MGMT: variants seen among roughly 807,000 people sequenced by gnomAD.
MGMT encodes the protein methylated-DNA--protein-cysteine methyltransferase.
A neutral mutation model predicts 15.9 loss-of-function variants in MGMT; 14 were observed. The observed-to-expected ratio is 0.88, with a 90% confidence interval of 0.58 to 1.37. The LOEUF (loss-of-function observed/expected upper bound fraction) is 1.37. Among genes scored for constraint, MGMT ranks in the 40% most tolerant of loss-of-function variants. The pLI is 0.00. For missense variants in MGMT, 282 were observed against 268.1 expected, an observed-to-expected ratio of 1.05 and a Z score of -0.36; for synonymous variants, 130 against 118.2, an observed-to-expected ratio of 1.10 and a Z score of -0.65.
chr10:129,710,164 A>T (rs1049396608), intron 3 of MGMT, among the ~76,000 whole-genome samples: 22 of 152,124 alleles, frequency 1.4e-4, no homozygotes, highest in African/African-American at 5.3e-4. Context: ...GCAGGTCATG[A>T]TAGGTCTTGG....
intron 2 of MGMT, among the ~76,000 whole-genome samples, chr10:129,682,070 C>T (rs1413399851): frequency 2.0e-5 from 3 of 152,140 alleles, no homozygotes; most frequent in Non-Finnish European, 2.9e-5. Context: ...TACAGCCACT[C>T]GGAGACCACG....
intron 2 of MGMT, among the ~76,000 whole-genome samples, chr10:129,543,126 G>A (rs888551046): frequency 8.5e-5 from 13 of 152,288 alleles, no homozygotes; most frequent in Admixed American, 5.9e-4. Flanking sequence ...GATGGGGGCC[G>A]ACTGCTGGCC....
At chr10:129,573,650 T>C (rs968377160) in intron 2 of MGMT, among the ~76,000 whole-genome samples, 7 of 152,218 alleles carry the variant, frequency 4.6e-5, no homozygotes, top group Admixed American at 6.5e-5. Context: ...CCTATCTTTA[T>C]TTTCATCTAA....
chr10:129,592,497 A>G (rs1212593892), intron 2 of MGMT, among the ~76,000 whole-genome samples: 1 of 152,214 alleles, frequency 6.6e-6, no homozygotes, highest in Non-Finnish European at 1.5e-5. Flanking sequence ...TGCCTGGGTA[A>G]AAATCCAAAA....
chr10:129,469,938 C>T (rs1057431406), intron 1 of MGMT, among the ~76,000 whole-genome samples: 1 of 152,086 alleles, frequency 6.6e-6, no homozygotes, highest in Non-Finnish European at 1.5e-5. Flanking sequence ...TCTCGAACTC[C>T]TGGACTCAAG....
chr10:129,607,181 A>G (rs1030121695), intron 2 of MGMT, among the ~76,000 whole-genome samples: 10 of 152,130 alleles, frequency 6.6e-5, no homozygotes, highest in Admixed American at 2.6e-4. Context: ...ATAGTAGGCC[A>G]TGGTGGAAGG....
intron 1 of MGMT, among the ~76,000 whole-genome samples, chr10:129,497,204 G>C (rs556405307): frequency 6.6e-6 from 1 of 152,058 alleles, no homozygotes; most frequent in Non-Finnish European, 1.5e-5. Context: ...CCACTCCCCC[G>C]TCTCTGCACC....
chr10:129,713,890 C>G (rs557578826), intron 3 of MGMT, among the ~76,000 whole-genome samples: 1 of 152,192 alleles, frequency 6.6e-6, no homozygotes, highest in Non-Finnish European at 1.5e-5. Flanking sequence ...TCTCATCTGC[C>G]GGCACACGGC....
At chr10:129,645,746 A>G (rs1847381616) in intron 2 of MGMT, among the ~76,000 whole-genome samples, 1 of 152,148 alleles carries the variant, frequency 6.6e-6, no homozygotes, top group Admixed American at 6.5e-5. Flanking sequence ...TCCTTAGAGC[A>G]TCTGTTCCAG....
rs1258694678 is a variant in MGMT at position 129,767,236 on chromosome 10, A to G, written c.*239A>G. 11 of 407,862 alleles carry G rather than the reference A, an allele frequency of 2.7e-5. No individual in the cohort carries two copies. Among genetic ancestry groups the G allele is most frequent in the Admixed American group, 1.3e-4 (3 of 22,784 alleles). 25.3% of individuals were successfully genotyped at this position (407,862 alleles called of 1,614,324 possible). A position where few individuals can be genotyped will look rare whatever the true frequency, so the allele number is the denominator to read the frequency against. On this transcript the variant is annotated 3_prime_UTR_variant, in exon 5 of 5. Transcript: ENST00000651593. ...TTTTCATGTCCATTAAAACAGGCCA[A>G]GTGAGTGTGGAAGGCCTGGCTCATG...
intron 2 of MGMT, among the ~76,000 whole-genome samples, chr10:129,699,583 G>A (rs549490047): frequency 6.6e-6 from 1 of 152,206 alleles, no homozygotes; most frequent in African/African-American, 2.4e-5. Context: ...CCCGTTGGTG[G>A]CCTATAATAG....
intron 2 of MGMT, among the ~76,000 whole-genome samples, chr10:129,577,402 C>T (rs1229898454): frequency 6.6e-6 from 1 of 152,184 alleles, no homozygotes; most frequent in African/African-American, 2.4e-5. Flanking sequence ...ACTATCTGAT[C>T]ATTGATAAAC....
intron 3 of MGMT, among the ~76,000 whole-genome samples, chr10:129,726,244 C>G (rs1362274323): frequency 2.6e-5 from 4 of 152,110 alleles, no homozygotes; most frequent in African/African-American, 9.7e-5. Flanking sequence ...AGACTTGAAC[C>G]TGGGTCCTTC....
chr10:129,766,089 G>A (rs866366508), intron 4 of MGMT, among the ~76,000 whole-genome samples: 18 of 152,192 alleles, frequency 1.2e-4, no homozygotes, highest in South Asian at 4.1e-4. Flanking sequence ...GGCAGGATCC[G>A]GGGCCTGTGT....
intron 2 of MGMT, among the ~76,000 whole-genome samples, chr10:129,617,530 A>G (rs1847041297): frequency 1.3e-5 from 2 of 152,124 alleles, no homozygotes; most frequent in South Asian, 2.1e-4. Context: ...GGCTGAACTA[A>G]TTTACATTCC....
At chr10:129,573,838 A>C (rs1846447413) in intron 2 of MGMT, among the ~76,000 whole-genome samples, 2 of 152,184 alleles carry the variant, frequency 1.3e-5, no homozygotes, top group Non-Finnish European at 2.9e-5. Context: ...TAGGTTATTT[A>C]ATGTTGTTAT....
chr10:129,550,721 C>CAG (rs1846147661), intron 2 of MGMT, among the ~76,000 whole-genome samples: 1 of 152,160 alleles, frequency 6.6e-6, no homozygotes, highest in Non-Finnish European at 1.5e-5. Context: ...CCTGGGATTA[C>CAG]AGGCGTGAGC....
At chr10:129,514,705 C>T (rs1292464234) in intron 1 of MGMT, among the ~76,000 whole-genome samples, 2 of 152,122 alleles carry the variant, frequency 1.3e-5, no homozygotes, top group African/African-American at 4.8e-5. Context: ...AGAGGTAGAG[C>T]CCTCGACGAT....
intron 1 of MGMT, among the ~76,000 whole-genome samples, chr10:129,534,687 T>A (rs1316610419): frequency 6.6e-6 from 1 of 151,532 alleles, no homozygotes; most frequent in Non-Finnish European, 1.5e-5. Context: ...TTTCACAGGA[T>A]AGGAGACCAG....
Sources: gnomAD v4.1 joint callset for allele counts (sites outside exome capture counted in the v4.1 genomes callset) on GRCh38, gnomAD v4.1.1 for gene constraint, MANE v1.5 for transcripts, NCBI Gene and HGNC (gene_info 2026-07-23, HGNC 2026-07-21) for gene names.